RFC3: variants seen among roughly 807,000 people sequenced by gnomAD.
RFC3 encodes the protein replication factor C subunit 3, also known as A1 38 kDa subunit.
In RFC3, 41 loss-of-function variants were observed where a neutral mutation model predicts 45.1. That is an observed-to-expected ratio of 0.91 (90% CI 0.71 to 1.18). The LOEUF (loss-of-function observed/expected upper bound fraction) is 1.18. Among genes scored for constraint, RFC3 ranks in the 50% most tolerant of loss-of-function variants. RFC3 has a pLI of 0.00. For missense variants in RFC3, 423 were observed against 428.1 expected (o/e 0.99, Z 0.10); for synonymous variants, 149 against 144.0 (o/e 1.03, Z -0.25).
chr13:33,891,175 TAATATTA>T lies in RFC3; in HGVS notation c.879+55964_879+55970del, dbSNP rs2082561254. Among the ~76,000 whole-genome samples the T allele has an allele frequency of 2.6e-5, 4 of 152,210 alleles. No individual in the cohort carries two copies. In the South Asian group the frequency reaches 8.3e-4, roughly 31 times the overall value. ...TTTTTACAATCTTGCTTGCTAAGTC[TAATATTA>T]AATATACAACTAAGAGTGGCAATGG... is the stretch of plus-strand genomic sequence containing the variant. On this transcript the variant is annotated intron_variant, in intron 8 of 8. Coordinates refer to the RFC3 transcript ENST00000434425.
chr13:33,873,396 A>G (rs1001502971), intron 8 of RFC3, among the ~76,000 whole-genome samples: 1 of 152,236 alleles, frequency 6.6e-6, no homozygotes, highest in Non-Finnish European at 1.5e-5. Context: ...AACTATTTCA[A>G]AGCGCCTGTT....
intron 8 of RFC3, among the ~76,000 whole-genome samples, chr13:33,964,141 A>C (rs541138457): frequency 2.6e-5 from 4 of 152,170 alleles, no homozygotes; most frequent in Admixed American, 6.5e-5. Context: ...ACTGCTCACA[A>C]TCTACATAAT....
chr13:33,856,294 A>T (rs151043269), intron 8 of RFC3, among the ~76,000 whole-genome samples: 1 of 152,292 alleles, frequency 6.6e-6, no homozygotes, highest in African/African-American at 2.4e-5. Context: ...AAGAGAAGAG[A>T]TGGACACAGA....
intron 8 of RFC3, among the ~76,000 whole-genome samples, chr13:33,908,098 T>C (rs1483043941): frequency 6.6e-6 from 1 of 151,912 alleles, no homozygotes; most frequent in African/African-American, 2.4e-5. Flanking sequence ...TATTAAAGTA[T>C]TAAACTACTC....
chr13:33,863,333 C>T (rs11147532), intron 8 of RFC3, among the ~76,000 whole-genome samples: 118,592 of 152,034 alleles, frequency 0.78, 48,299 homozygotes, highest in Non-Finnish European at 0.92. Flanking sequence ...TGTTTGGGGT[C>T]CTCACTCTGC....
downstream of RFC3, among the ~76,000 whole-genome samples, chr13:33,842,070 C>G (rs1318110050): frequency 6.6e-6 from 1 of 152,038 alleles, no homozygotes; most frequent in Admixed American, 6.6e-5. Context: ...TTGCTTAGCC[C>G]AGGAGCCCGA....
At chr13:33,869,141 C>T (rs1490257871) in intron 8 of RFC3, among the ~76,000 whole-genome samples, 1 of 152,172 alleles carries the variant, frequency 6.6e-6, no homozygotes, top group Non-Finnish European at 1.5e-5. Flanking sequence ...TGCCTGGTTC[C>T]CTGCTGTTCA....
At chr13:33,926,869 A>ATT (rs1403849949) in intron 8 of RFC3, among the ~76,000 whole-genome samples, 1 of 150,540 alleles carries the variant, frequency 6.6e-6, no homozygotes, top group Non-Finnish European at 1.5e-5. Context: ...AAAGCTCTGT[A>ATT]TTAATTAGGA....
chr13:33,888,785 A>T (rs1315865809), intron 8 of RFC3, among the ~76,000 whole-genome samples: 1 of 147,274 alleles, frequency 6.8e-6, no homozygotes, highest in African/African-American at 2.5e-5. Flanking sequence ...TTGCTCTTTC[A>T]CCCAGGCTGG....
intron 8 of RFC3, among the ~76,000 whole-genome samples, chr13:33,910,109 C>A (rs918676376): frequency 6.6e-6 from 1 of 151,974 alleles, no homozygotes; most frequent in Non-Finnish European, 1.5e-5. Flanking sequence ...GCATCTTTGA[C>A]TACATACATT....
intron 8 of RFC3, among the ~76,000 whole-genome samples, chr13:33,932,180 A>G (rs935767063): frequency 3.3e-5 from 5 of 152,152 alleles, no homozygotes; most frequent in Non-Finnish European, 7.4e-5. Flanking sequence ...TCATCTGTCT[A>G]TTCTAGCTCA....
At chr13:33,858,789 A>G (rs955395735) in intron 8 of RFC3, among the ~76,000 whole-genome samples, 13 of 152,224 alleles carry the variant, frequency 8.5e-5, no homozygotes, top group Non-Finnish European at 1.8e-4. Context: ...TGAGATATTT[A>G]TCTATCTATT....
At chr13:33,905,900 A>G (rs560455439) in intron 8 of RFC3, among the ~76,000 whole-genome samples, 2 of 152,212 alleles carry the variant, frequency 1.3e-5, no homozygotes, top group African/African-American at 4.8e-5. Context: ...GCTAATAGGA[A>G]GAAGTCTTAA....
intron 8 of RFC3, among the ~76,000 whole-genome samples, chr13:33,871,312 T>G (rs1224926451): frequency 6.6e-6 from 1 of 152,186 alleles, no homozygotes; most frequent in Non-Finnish European, 1.5e-5. Context: ...AAAGTCAAGG[T>G]GTCAGCAGGG....
At chr13:33,857,532 A>G (rs1427270500) in intron 8 of RFC3, among the ~76,000 whole-genome samples, 1 of 152,224 alleles carries the variant, frequency 6.6e-6, no homozygotes, top group Non-Finnish European at 1.5e-5. Context: ...CATAGGCTTC[A>G]TGTTTAAGCC....
chr13:33,937,630 C>T (rs533746338), intron 8 of RFC3, among the ~76,000 whole-genome samples: 5 of 152,050 alleles, frequency 3.3e-5, no homozygotes, highest in Admixed American at 1.3e-4. Context: ...ATGTAGCATG[C>T]GCATAGAAAC....
At chr13:33,854,073 C>A (rs927148370) in intron 8 of RFC3, among the ~76,000 whole-genome samples, 1 of 152,066 alleles carries the variant, frequency 6.6e-6, no homozygotes, top group Non-Finnish European at 1.5e-5. Flanking sequence ...TAGAAAGATA[C>A]GAAGAAATGT....
chr13:33,948,584 G>A (rs1236237436), intron 8 of RFC3, among the ~76,000 whole-genome samples: 1 of 152,200 alleles, frequency 6.6e-6, no homozygotes, highest in Non-Finnish European at 1.5e-5. Flanking sequence ...TGCATGCCTG[G>A]AAAAGCCTCA....
At chr13:33,825,221 C>T (rs1297389192) in intron 3 of RFC3, among the ~76,000 whole-genome samples, 2 of 152,032 alleles carry the variant, frequency 1.3e-5, no homozygotes, top group Non-Finnish European at 2.9e-5. Flanking sequence ...CAGCTCAATA[C>T]CTATAATAAG....
Sources: gnomAD v4.1 joint callset for allele counts (sites outside exome capture counted in the v4.1 genomes callset) on GRCh38, gnomAD v4.1.1 for gene constraint, MANE v1.5 for transcripts, NCBI Gene and HGNC (gene_info 2026-07-23, HGNC 2026-07-21) for gene names.